NRG3: variants seen among roughly 807,000 people sequenced by gnomAD.
The protein encoded by NRG3 is neuregulin 3.
Under a neutral mutation model 66.9 loss-of-function variants are expected in NRG3, and 31 were observed. The ratio of observed to expected loss-of-function variants is 0.46; its 90% confidence interval spans 0.35 to 0.63. NRG3 has a LOEUF of 0.63. Among genes scored for constraint, NRG3 ranks in the 20% least tolerant of loss-of-function variants. NRG3 has a pLI of 0.00. For synonymous variants in NRG3, 393 were observed against 359.4 expected (o/e 1.09, Z -1.06); for missense variants, 910 against 878.9 (o/e 1.04, Z -0.45).
chr10:82,541,096 T>G (rs968386066), intron 2 of NRG3, among the ~76,000 whole-genome samples: 2 of 152,150 alleles, frequency 1.3e-5, no homozygotes, highest in Non-Finnish European at 2.9e-5. Flanking sequence ...ATCTCAGACT[T>G]CCAGCCTTCA....
At chr10:82,313,882 A>G (rs772823493) in intron 1 of NRG3, among the ~76,000 whole-genome samples, 2 of 152,202 alleles carry the variant, frequency 1.3e-5, no homozygotes, top group African/African-American at 2.4e-5. Flanking sequence ...AAGAAAGACA[A>G]TTCTATGTGC....
chr10:82,589,032 G>C (rs868170648), intron 2 of NRG3, among the ~76,000 whole-genome samples: 1 of 152,072 alleles, frequency 6.6e-6, no homozygotes, highest in Non-Finnish European at 1.5e-5. Flanking sequence ...CATGGGGATT[G>C]CTGGCCTACG....
chr10:82,386,031 A>T (rs2085961021), intron 2 of NRG3, among the ~76,000 whole-genome samples: 1 of 152,174 alleles, frequency 6.6e-6, no homozygotes, highest in Non-Finnish European at 1.5e-5. Flanking sequence ...AAAAAATCAC[A>T]TCAGTGAAAT....
chr10:82,905,884 C>T lies in NRG3; in HGVS notation c.1054+40447C>T, dbSNP rs117039236. On this transcript the variant is annotated intron_variant, in intron 4 of 8. Transcript: ENST00000372141. ...ATGTTTCTGTCTTTTCCCTGGGCTT[C>T]ATGTGGATGCTAATTTTGCTTCTAA... Among the ~76,000 whole-genome samples the T allele has an allele frequency of 2.6e-4, 39 of 152,238 alleles. No homozygotes were observed. In the East Asian group the frequency reaches 6.0e-3, roughly 23 times the overall value.
chr10:82,761,922 C>CTCTTTCTTTCTCTTTCTT (rs1555028703), intron 3 of NRG3, among the ~76,000 whole-genome samples: 15 of 123,784 alleles, frequency 1.2e-4, no homozygotes, highest in African/African-American at 3.9e-4. Context: ...TTCTTTCTTT[C>CTCTTTCTTTCTCTTTCTT]TCTTTCTTTC....
Position 82,713,903 on chromosome 10 carries a change from A to G in NRG3, c.954-24674A>G, listed in dbSNP as rs186826921. On this transcript the variant is annotated intron_variant, in intron 2 of 8. Coordinates refer to ENST00000372141, the MANE Select transcript of NRG3 (RefSeq NM_001010848.4). ...CTGCCACAAAACAGTAGTCATTTCA[A>G]CTCTCATCATTTTTTCCTGAAGATG... is the stretch of plus-strand genomic sequence containing the variant. Among the ~76,000 whole-genome samples, 158 of 152,092 alleles carry G rather than the reference A, an allele frequency of 1.0e-3. 5 individuals carry two copies. The East Asian group carries it at 0.021, about 20-fold the overall frequency.
At chr10:82,465,546 C>T (rs1179154536) in intron 2 of NRG3, among the ~76,000 whole-genome samples, 3 of 152,162 alleles carry the variant, frequency 2.0e-5, no homozygotes, top group Non-Finnish European at 4.4e-5. Context: ...GTTACTAGAG[C>T]TGAAAAGCAC....
intron 2 of NRG3, among the ~76,000 whole-genome samples, chr10:82,409,697 T>G (rs1329302688): frequency 6.6e-6 from 1 of 152,106 alleles, no homozygotes. Flanking sequence ...TGTTTTATTT[T>G]GCTCATGATT....
chr10:82,141,589 C>T (rs1208374645), intron 1 of NRG3, among the ~76,000 whole-genome samples: 1 of 152,104 alleles, frequency 6.6e-6, no homozygotes, highest in Non-Finnish European at 1.5e-5. Context: ...GAACTTTTCA[C>T]TTCTGTGAAG....
chr10:82,553,515 T>C (rs1590642895), intron 2 of NRG3, among the ~76,000 whole-genome samples: 1 of 152,172 alleles, frequency 6.6e-6, no homozygotes, highest in African/African-American at 2.4e-5. Context: ...AGAGAATTTT[T>C]CAGTGCTGAT....
intron 1 of NRG3, among the ~76,000 whole-genome samples, chr10:82,087,422 G>A (rs540041992): frequency 6.6e-6 from 1 of 152,004 alleles, no homozygotes; most frequent in African/African-American, 2.4e-5. Context: ...TGTTCAGAGG[G>A]ATGAACACAG....
chr10:82,084,187 C>T (rs1282981436), intron 1 of NRG3, among the ~76,000 whole-genome samples: 1 of 152,012 alleles, frequency 6.6e-6, no homozygotes, highest in African/African-American at 2.4e-5. Context: ...GAGATTGCGC[C>T]ACTGCACTCC....
chr10:82,466,679 G>A (rs1227816779), intron 2 of NRG3, among the ~76,000 whole-genome samples: 1 of 152,088 alleles, frequency 6.6e-6, no homozygotes, highest in Admixed American at 6.6e-5. Context: ...TGGAAATAAG[G>A]ACACAGCATT....
chr10:81,999,250 C>T (rs2061070804), intron 1 of NRG3, among the ~76,000 whole-genome samples: 1 of 152,154 alleles, frequency 6.6e-6, no homozygotes. Flanking sequence ...TACGAGACCT[C>T]AAGGCTCAAC....
At chr10:82,924,296 G>A (rs1846763468) in intron 4 of NRG3, among the ~76,000 whole-genome samples, 1 of 151,990 alleles carries the variant, frequency 6.6e-6, no homozygotes, top group African/African-American at 2.4e-5. Flanking sequence ...TTACTATGCG[G>A]ACTTGATGTT....
intron 1 of NRG3, chr10:82,225,273 G>C (rs1391824716): frequency 6.6e-6 from 1 of 152,166 alleles, no homozygotes; most frequent in African/African-American, 2.4e-5. Flanking sequence ...TGCAAGGAAA[G>C]AATATCGTTT....
intron 1 of NRG3, among the ~76,000 whole-genome samples, chr10:81,937,137 A>G (rs1477823417): frequency 6.6e-6 from 1 of 152,128 alleles, no homozygotes; most frequent in East Asian, 1.9e-4. Context: ...AACGAATTCT[A>G]TTGTATGCAT....
chr10:82,823,968 A>G lies in NRG3; in HGVS notation c.1028-41443A>G, dbSNP rs1475570755. On this transcript the variant is annotated intron_variant, in intron 3 of 8. Coordinates refer to ENST00000372141, the MANE Select transcript of NRG3 (RefSeq NM_001010848.4). ...CAGAGTTCTCATCACCTGCCTGCCA[A>G]TAAAACCAAAAACAACAACAAAACA... 1.3e-5 allele frequency among the ~76,000 whole-genome samples: 2 copies of G among 152,180 alleles called. 1 individual carries two copies. The highest frequency in any genetic ancestry group is 2.9e-5 in the Non-Finnish European group (2 of 68,028).
intron 2 of NRG3, among the ~76,000 whole-genome samples, chr10:82,614,489 C>T (rs1046245757): frequency 6.6e-6 from 1 of 152,132 alleles, no homozygotes; most frequent in African/African-American, 2.4e-5. Flanking sequence ...CATTTATGAG[C>T]TCTAATTTTG....
Sources: allele counts gnomAD v4.1 joint callset (sites outside exome capture counted in the v4.1 genomes callset), GRCh38; gene constraint gnomAD v4.1.1; transcripts MANE v1.5; gene names NCBI Gene and HGNC (gene_info 2026-07-23, HGNC 2026-07-21).